The following MICU3 variants were observed in gnomAD, a reference collection of about 807,000 sequenced individuals.
MICU3 encodes the protein mitochondrial calcium uptake 3.
Under a neutral mutation model 66.5 loss-of-function variants are expected in MICU3, and 62 were observed. The observed-to-expected ratio is 0.93, with a 90% CI of 0.76 to 1.15. The LOEUF (loss-of-function observed/expected upper bound fraction) is 1.15, where lower values mean the gene tolerates loss of function less well. Among genes scored for constraint, MICU3 ranks in the 50% most tolerant of loss-of-function variants. The probability of loss-of-function intolerance (pLI) is 0.00; values close to 1 mark genes in which losing one functional copy is unlikely to be tolerated. For missense variants in MICU3, 779 were observed against 664.4 expected (o/e 1.17, Z -1.90); for synonymous variants, 308 against 240.7 (o/e 1.28, Z -2.59).
At chr8:17,095,724 T>C (rs1242044919) in intron 8 of MICU3, among the ~76,000 whole-genome samples, 3 of 151,806 alleles carry the variant, frequency 2.0e-5, no homozygotes, top group Admixed American at 1.3e-4. Flanking sequence ...ACTGCCTTTT[T>C]CCCTCCTTTC....
At chr8:17,052,001 G>A (rs957201706) in intron 1 of MICU3, among the ~76,000 whole-genome samples, 1 of 152,122 alleles carries the variant, frequency 6.6e-6, no homozygotes, top group Non-Finnish European at 1.5e-5. Flanking sequence ...GGCCAGGGCA[G>A]TATTGCTGAA....
At chr8:17,079,882 T>C (rs1236441772) in intron 4 of MICU3, among the ~76,000 whole-genome samples, 4 of 152,164 alleles carry the variant, frequency 2.6e-5, no homozygotes, top group African/African-American at 9.6e-5. Context: ...AAAAAATTGA[T>C]ATGCATTCAT....
At chr8:17,099,389 A>C (rs1801058262) in intron 9 of MICU3, among the ~76,000 whole-genome samples, 1 of 151,798 alleles carries the variant, frequency 6.6e-6, no homozygotes, top group Non-Finnish European at 1.5e-5. Context: ...TTTAGAAGTT[A>C]CACCTGAAAA....
At chr8:17,043,026 G>A (rs1304444267) in intron 1 of MICU3, among the ~76,000 whole-genome samples, 1 of 131,732 alleles carries the variant, frequency 7.6e-6, no homozygotes, top group African/African-American at 2.9e-5. Flanking sequence ...TGCAAGCTCC[G>A]CCTCTTGGGT....
At chr8:17,057,873 G>T (rs1281824449) in intron 1 of MICU3, among the ~76,000 whole-genome samples, 2 of 151,640 alleles carry the variant, frequency 1.3e-5, no homozygotes, top group Non-Finnish European at 2.9e-5. Flanking sequence ...TTGAGACGGA[G>T]TTTCACTTTT....
intron 11 of MICU3, 45 bp from the exon 12 acceptor site, chr8:17,114,043 TAATAA>T: frequency 1.7e-6 from 2 of 1,202,582 alleles, no homozygotes; most frequent in Admixed American, 1.9e-5. Context: ...ATCCTGATTT[TAATAA>T]ATTTGGCAAT....
intron 9 of MICU3, among the ~76,000 whole-genome samples, chr8:17,101,822 T>G (rs1801281287): frequency 6.6e-6 from 1 of 151,878 alleles, no homozygotes; most frequent in African/African-American, 2.4e-5. Context: ...CTTTTTTTCA[T>G]TAAGATTCAA....
rs992978159 is a variant in MICU3 at position 17,049,470 on chromosome 8, G to C, written c.382-14614G>C. ...TGGGCCAAGGGAAAAGGCAGTATTT[G>C]CATGTAGTTTTCATTTAATCTTTAC... On this transcript the variant is annotated intron_variant, in intron 1 of 14. Transcript: ENST00000318063. The C allele has an allele frequency of 4.9e-5, 23 of 466,574 alleles. No homozygotes were observed. The Middle Eastern group carries it at 1.2e-3, about 24-fold the overall frequency. 28.9% of individuals were successfully genotyped at this position (466,574 alleles called of 1,614,324 possible).
chr8:17,076,372 A>G (rs948392865), intron 3 of MICU3, among the ~76,000 whole-genome samples: 5 of 152,164 alleles, frequency 3.3e-5, no homozygotes, highest in Non-Finnish European at 7.4e-5. Flanking sequence ...TAACAAAAAT[A>G]TTTGAGTTTA....
At chr8:17,074,323 C>T (rs1413968994) in intron 3 of MICU3, among the ~76,000 whole-genome samples, 4 of 151,710 alleles carry the variant, frequency 2.6e-5, no homozygotes, top group South Asian at 4.2e-4. Flanking sequence ...TAGATATAAC[C>T]CATATAGACA....
chr8:17,111,890 A>G (rs889010539), intron 11 of MICU3, among the ~76,000 whole-genome samples: 3 of 152,234 alleles, frequency 2.0e-5, no homozygotes, highest in Non-Finnish European at 4.4e-5. Context: ...ACCCAGTTCT[A>G]CATGGCTGGG....
At chr8:17,083,817 TG>T (rs2150733074) in intron 5 of MICU3, among the ~76,000 whole-genome samples, 1 of 152,172 alleles carries the variant, frequency 6.6e-6, no homozygotes, top group African/African-American at 2.4e-5. Context: ...AAAGTTACCT[TG>T]TTTGACAAAA....
At chr8:17,101,099 T>C (rs1224765507) in intron 9 of MICU3, among the ~76,000 whole-genome samples, 1 of 151,870 alleles carries the variant, frequency 6.6e-6, no homozygotes, top group African/African-American at 2.4e-5. Context: ...TTTTAAACCC[T>C]TTAATAGTTT....
intron 7 of MICU3, among the ~76,000 whole-genome samples, chr8:17,087,844 T>A (rs143791411): frequency 2.4e-3 from 371 of 152,186 alleles, no homozygotes; most frequent in African/African-American, 8.6e-3. Flanking sequence ...TTGTGACATA[T>A]TTCTTTGTCT....
At chr8:17,038,770 G>T (rs897457123) in intron 1 of MICU3, among the ~76,000 whole-genome samples, 1 of 151,970 alleles carries the variant, frequency 6.6e-6, no homozygotes, top group East Asian at 1.9e-4. Context: ...TGGCTAACAC[G>T]GTGAAACCCC....
the MICU3 span, among the ~76,000 whole-genome samples, chr8:17,134,661 G>A: frequency 5.1e-4 from 77 of 152,202 alleles, no homozygotes; most frequent in Non-Finnish European, 9.7e-4. Context: ...AGCCAGGATG[G>A]TCTCAATCTC....
chr8:17,069,603 G>C, intron 2 of MICU3, 85 bp from the exon 3 acceptor site: 1 of 825,192 alleles, frequency 1.2e-6, no homozygotes. Context: ...TTGGTTATGA[G>C]TTATGGTTGT....
At chr8:17,086,929 T>A (rs1158341340) in intron 6 of MICU3, 35 bp from the exon 7 acceptor site, 1 of 1,438,894 alleles carries the variant, frequency 6.9e-7, no homozygotes, top group Admixed American at 1.7e-5. Context: ...GAAACTCTTG[T>A]TGGATATTTG....
chr8:17,028,853 TG>T (rs1465208791), intron 1 of MICU3, among the ~76,000 whole-genome samples: 1 of 152,234 alleles, frequency 6.6e-6, no homozygotes, highest in African/African-American at 2.4e-5. Context: ...TTTTTCATGA[TG>T]GCAGAACTTT....
Sources: gnomAD v4.1 joint callset for allele counts (sites outside exome capture counted in the v4.1 genomes callset) on GRCh38, gnomAD v4.1.1 for gene constraint, MANE v1.5 for transcripts, NCBI Gene and HGNC (gene_info 2026-07-23, HGNC 2026-07-21) for gene names.